MDGA2: variants seen among roughly 807,000 people sequenced by gnomAD.
The protein encoded by MDGA2 is MAM domain containing glycosylphosphatidylinositol anchor 2, also known as MAM domain-containing glycosylphosphatidylinositol anchor protein 2.
A neutral mutation model predicts 117.8 loss-of-function variants in MDGA2; 40 were observed. That is an observed-to-expected ratio of 0.34 (90% CI 0.26 to 0.44). The LOEUF is 0.44. Ranked by LOEUF, MDGA2 falls within the 20% of genes least tolerant of loss-of-function variation. The probability of loss-of-function intolerance (pLI) is 1.00; values close to 1 mark genes in which losing one functional copy is unlikely to be tolerated. For missense variants in MDGA2, 1,123 were observed against 1,250.6 expected (o/e 0.90, Z 1.54); for synonymous variants, 452 against 439.0 (o/e 1.03, Z -0.37).
chr14:47,429,896 G>A (rs560090158), intron 1 of MDGA2, among the ~76,000 whole-genome samples: 2 of 150,732 alleles, frequency 1.3e-5, no homozygotes, highest in Admixed American at 6.7e-5. Flanking sequence ...CAAGGAGTGG[G>A]GGGACCATAA....
intron 1 of MDGA2, among the ~76,000 whole-genome samples, chr14:47,369,041 A>G (rs1329290997): frequency 6.6e-6 from 1 of 152,182 alleles, no homozygotes; most frequent in African/African-American, 2.4e-5. Context: ...TGTTAAAATT[A>G]ATGAATAATA....
chr14:47,653,729 G>A (rs1897688173), intron 1 of MDGA2, among the ~76,000 whole-genome samples: 1 of 152,124 alleles, frequency 6.6e-6, no homozygotes, highest in Non-Finnish European at 1.5e-5. Flanking sequence ...ATGTACTCAA[G>A]GGTCTCAGAA....
intron 1 of MDGA2, among the ~76,000 whole-genome samples, chr14:47,459,200 T>C (rs530864253): frequency 1.3e-5 from 2 of 151,438 alleles, no homozygotes; most frequent in African/African-American, 2.4e-5. Context: ...TTACTGATGA[T>C]GGGTGAAAGG....
At chr14:47,279,658 TAAA>T (rs1272040756) in intron 2 of MDGA2, among the ~76,000 whole-genome samples, 26 of 150,128 alleles carry the variant, frequency 1.7e-4, no homozygotes, top group Non-Finnish European at 2.4e-4. Flanking sequence ...TGATTTTTTT[TAAA>T]AAAAAATCAT....
intron 1 of MDGA2, among the ~76,000 whole-genome samples, chr14:47,620,854 G>A (rs576393245): frequency 1.4e-4 from 21 of 152,190 alleles, no homozygotes; most frequent in African/African-American, 4.3e-4. Context: ...GAGGCACAAC[G>A]GCACAACATC....
At chr14:47,331,395 G>C (rs536727928) in intron 1 of MDGA2, among the ~76,000 whole-genome samples, 1 of 151,668 alleles carries the variant, frequency 6.6e-6, no homozygotes, top group South Asian at 2.1e-4. Flanking sequence ...TACTGTAGAT[G>C]TCATTATGCC....
chr14:47,105,179 C>T (rs933489512), intron 5 of MDGA2, among the ~76,000 whole-genome samples: 1 of 152,104 alleles, frequency 6.6e-6, no homozygotes, highest in Non-Finnish European at 1.5e-5. Flanking sequence ...CCCTCAGCCC[C>T]TTCTCCTTCA....
At chr14:47,213,551 T>C (rs984533762) in intron 3 of MDGA2, among the ~76,000 whole-genome samples, 4 of 152,312 alleles carry the variant, frequency 2.6e-5, no homozygotes, top group Admixed American at 1.3e-4. Flanking sequence ...ATTATTCAAA[T>C]GTTTGATCTG....
intron 1 of MDGA2, among the ~76,000 whole-genome samples, chr14:47,568,087 T>C (rs1422781767): frequency 6.6e-6 from 1 of 152,156 alleles, no homozygotes; most frequent in Non-Finnish European, 1.5e-5. Flanking sequence ...ATATGGATTA[T>C]GTTCCAGCTT....
intron 1 of MDGA2, among the ~76,000 whole-genome samples, chr14:47,659,217 A>C (rs1897800761): frequency 6.6e-6 from 1 of 152,206 alleles, no homozygotes. Context: ...CTTCAAGTCT[A>C]ATCCCCAGAG....
At chr14:47,517,652 T>C (rs1566494939) in intron 1 of MDGA2, among the ~76,000 whole-genome samples, 1 of 152,106 alleles carries the variant, frequency 6.6e-6, no homozygotes, top group East Asian at 1.9e-4. Flanking sequence ...CTCAATGAAC[T>C]TGGGCAGCTC....
intron 1 of MDGA2, among the ~76,000 whole-genome samples, chr14:47,628,770 C>G (rs999205658): frequency 6.6e-6 from 1 of 152,198 alleles, no homozygotes; most frequent in Admixed American, 6.5e-5. Context: ...TTTTTCCCCC[C>G]AGCTGGTGTG....
chr14:47,082,323 C>A (rs1485946787), intron 6 of MDGA2, among the ~76,000 whole-genome samples: 1 of 65,676 alleles, frequency 1.5e-5, no homozygotes, highest in African/African-American at 6.8e-5. Flanking sequence ...AGATCAAATT[C>A]CAGGGAAGGA....
chr14:47,261,940 A>C (rs1887810355), intron 2 of MDGA2, among the ~76,000 whole-genome samples: 1 of 152,158 alleles, frequency 6.6e-6, no homozygotes, highest in African/African-American at 2.4e-5. Context: ...GTTATAAAGA[A>C]AGCAACACTC....
At chr14:47,542,201 T>C (rs1895367127) in intron 1 of MDGA2, among the ~76,000 whole-genome samples, 1 of 152,216 alleles carries the variant, frequency 6.6e-6, no homozygotes. Flanking sequence ...GATGTAGCCT[T>C]AAAGCATAAT....
intron 2 of MDGA2, among the ~76,000 whole-genome samples, chr14:47,226,571 T>A (rs1014006550): frequency 6.6e-6 from 1 of 152,136 alleles, no homozygotes; most frequent in Admixed American, 6.5e-5. Context: ...CCTATATGCA[T>A]GTGGAGCACT....
chr14:47,486,790 T>G (rs1200740231), intron 1 of MDGA2, among the ~76,000 whole-genome samples: 1 of 152,202 alleles, frequency 6.6e-6, no homozygotes, highest in Non-Finnish European at 1.5e-5. Context: ...ATGTAAGACA[T>G]AACTTGCTCC....
At chr14:47,042,292 T>A (rs1889096914) in intron 7 of MDGA2, among the ~76,000 whole-genome samples, 1 of 146,018 alleles carries the variant, frequency 6.8e-6, no homozygotes, top group Admixed American at 7.0e-5. Flanking sequence ...ATGCAAATAA[T>A]CCAAATGAAC....
At chr14:46,965,647 T>C (rs2138301629) in intron 8 of MDGA2, among the ~76,000 whole-genome samples, 1 of 152,312 alleles carries the variant, frequency 6.6e-6, no homozygotes, top group East Asian at 1.9e-4. Flanking sequence ...ATTTTAAGCA[T>C]ACTAGCTATT....
Sources: allele counts gnomAD v4.1 joint callset (sites outside exome capture counted in the v4.1 genomes callset), GRCh38; gene constraint gnomAD v4.1.1; transcripts MANE v1.5; gene names NCBI Gene and HGNC (gene_info 2026-07-23, HGNC 2026-07-21).